Variants in GXYLT2 observed in about 807,000 individuals in gnomAD.
GXYLT2 encodes the protein glycosyltransferase 8 domain containing 4.
In GXYLT2, 53 loss-of-function variants were observed where a neutral mutation model predicts 45.8. That is an observed-to-expected ratio of 1.16 (90% confidence interval 0.93 to 1.46). The LOEUF (loss-of-function observed/expected upper bound fraction) is 1.46. Among genes scored for constraint, GXYLT2 ranks in the 40% most tolerant of loss-of-function variants. GXYLT2 has a pLI of 0.00. For missense variants in GXYLT2, 551 were observed against 544.4 expected, an observed-to-expected ratio of 1.01 and a Z score of -0.12; for synonymous variants, 219 against 214.2, an observed-to-expected ratio of 1.02 and a Z score of -0.19.
intron 3 of GXYLT2, among the ~76,000 whole-genome samples, chr3:72,942,669 A>C (rs1347218468): frequency 6.6e-6 from 1 of 152,040 alleles, no homozygotes; most frequent in Non-Finnish European, 1.5e-5. Flanking sequence ...ACCTCAATCT[A>C]AACATGCGAA....
intron 6 of GXYLT2, among the ~76,000 whole-genome samples, chr3:72,968,137 C>T (rs1051170849): frequency 5.3e-5 from 8 of 152,104 alleles, no homozygotes; most frequent in Non-Finnish European, 1.0e-4. Flanking sequence ...CCATGCCTGG[C>T]AAATTTTTGT....
chr3:72,900,959 C>T (rs938046220), intron 1 of GXYLT2, among the ~76,000 whole-genome samples: 4 of 151,216 alleles, frequency 2.6e-5, no homozygotes, highest in Non-Finnish European at 5.9e-5. Context: ...TCAAGACCAG[C>T]CTGGCCAACA....
intron 3 of GXYLT2, among the ~76,000 whole-genome samples, chr3:72,925,402 C>T (rs1473122122): frequency 2.0e-5 from 3 of 152,060 alleles, no homozygotes; most frequent in Non-Finnish European, 2.9e-5. Flanking sequence ...GTGATCCGCC[C>T]GCCTCGGCCT....
intron 1 of GXYLT2, among the ~76,000 whole-genome samples, chr3:72,901,599 C>T (rs1410976960): frequency 4.3e-5 from 5 of 114,976 alleles, no homozygotes; most frequent in Admixed American, 1.1e-4. Flanking sequence ...CTCACTCTGT[C>T]GCCCAGGCTG....
chr3:72,962,901 C>G (rs1192108767), intron 5 of GXYLT2, among the ~76,000 whole-genome samples: 1 of 151,186 alleles, frequency 6.6e-6, no homozygotes, highest in Non-Finnish European at 1.5e-5. Context: ...AAGGAGCATT[C>G]TGAAATAAGG....
intron 5 of GXYLT2, among the ~76,000 whole-genome samples, chr3:72,966,458 C>CTTTTTTTTTTTTTTTTTTTTTTTT (rs10662974): frequency 2.0e-5 from 2 of 101,640 alleles, no homozygotes; most frequent in African/African-American, 8.0e-5. Context: ...TTGTGTGTAT[C>CTTTTTTTTTTTTTTTTTTTTTTTT]TTTTTTTTTT....
At position 72,975,177 on chromosome 3, in the gene GXYLT2, A is replaced by G; in HGVS notation, c.*18A>G. 1 of 1,597,412 alleles carries G rather than the reference A, an allele frequency of 6.3e-7. No individual in the cohort carries two copies. Among genetic ancestry groups the G allele is most frequent in the Non-Finnish European group, 8.6e-7 (1 of 1,167,790 alleles). ...TGCACTGAATATTTTGTCTTGTTGC[A>G]AGTCAATTAGGTGTCTTGTGACCAA... On this transcript the variant is annotated 3_prime_UTR_variant, in exon 7 of 7. Coordinates refer to ENST00000389617, the MANE Select transcript of GXYLT2 (RefSeq NM_001080393.2).
rs911663362 is a variant in GXYLT2, at chr3:72,888,474, C to A, written c.241C>A (p.Arg81Ser). The A allele has an allele frequency of 4.0e-6, 5 of 1,250,052 alleles. No individual in the cohort carries two copies. Among genetic ancestry groups the A allele is most frequent in the African/African-American group, 3.2e-5 (2 of 63,376 alleles). The allele number at this position is 1,250,052 out of a possible 1,614,324, so 77.4% of individuals were successfully genotyped here. A position where few individuals can be genotyped will look rare whatever the true frequency, so the allele number is the denominator to read the frequency against. The change falls in exon 1 of 7, where the codon CGC (arginine) becomes AGC (serine). Residue 81 changes from arginine to serine, a missense_variant. By Grantham distance (110) the Arg-to-Ser change is moderately radical (BLOSUM62 -1). Transcript: ENST00000389617. ...RPPRPRPRAGRRGAARLEKLA... is the reference protein window; with the variant it reads ...RPPRPRPRAGSRGAARLEKLA... ...CCCGCGTCCGCGCCCCCGAGCGGGC[C>A]GCCGGGGCGCTGCGAGACTGGAGAA...
chr3:72,888,298 T>G lies in GXYLT2; in HGVS notation c.65T>G (p.Leu22Arg). The change falls in exon 1 of 7, where the codon CTG (leucine) becomes CGG (arginine). Residue 22 changes from leucine (L) to arginine (R), a missense_variant. Coordinates refer to ENST00000389617, the MANE Select transcript of GXYLT2 (RefSeq NM_001080393.2). ...GCGCTGGCCGCGCTGCTGCTGGCGC[T>G]GCTGTCCCTGCGCGCTGGCCGCGCT... ...LLALAALLLA[L>R]LSLRAGRAEP... 2.0e-6 allele frequency: 2 copies of G among 992,718 alleles called. No homozygotes were observed. Among genetic ancestry groups the G allele is most frequent in the Non-Finnish European group, 2.4e-6 (2 of 837,140 alleles). 61.5% of individuals were successfully genotyped at this position (992,718 alleles called of 1,614,324 possible).
chr3:72,897,763 C>T (rs1417219844), intron 1 of GXYLT2, among the ~76,000 whole-genome samples: 1 of 152,170 alleles, frequency 6.6e-6, no homozygotes, highest in African/African-American at 2.4e-5. Flanking sequence ...AGTCAAGTGG[C>T]AGGCCTAGAA....
intron 2 of GXYLT2, among the ~76,000 whole-genome samples, chr3:72,916,673 G>A (rs1487665170): frequency 6.6e-6 from 1 of 151,824 alleles, no homozygotes; most frequent in African/African-American, 2.4e-5. Context: ...CCTAGTAGCT[G>A]GGATTACAGT....
At chr3:72,950,166 C>A (rs994938394) in intron 3 of GXYLT2, among the ~76,000 whole-genome samples, 2 of 151,704 alleles carry the variant, frequency 1.3e-5, no homozygotes, top group African/African-American at 2.4e-5. Flanking sequence ...TACAAAAAAA[C>A]AAAAAAATTA....
chr3:72,961,905 C>T (rs13085689), intron 5 of GXYLT2, among the ~76,000 whole-genome samples: 72,336 of 151,910 alleles, frequency 0.48, 20,069 homozygotes, highest in Non-Finnish European at 0.62. Flanking sequence ...ATCAGGCTAG[C>T]GTAGAGGCAG....
intron 2 of GXYLT2, among the ~76,000 whole-genome samples, chr3:72,918,624 A>G (rs977286956): frequency 6.6e-6 from 1 of 152,126 alleles, no homozygotes; most frequent in Non-Finnish European, 1.5e-5. Context: ...CAGGAGTTCA[A>G]GACCAGCCTG....
chr3:72,957,523 C>T (rs1371254713), intron 5 of GXYLT2, among the ~76,000 whole-genome samples, 171 bp downstream of exon 5: 11 of 152,064 alleles, frequency 7.2e-5, no homozygotes, highest in Non-Finnish European at 1.5e-4. Context: ...CTGATGGAGG[C>T]GGGGCCTTGC....
chr3:72,892,035 T>C (rs1709191823), intron 1 of GXYLT2, among the ~76,000 whole-genome samples: 1 of 152,224 alleles, frequency 6.6e-6, no homozygotes, highest in African/African-American at 2.4e-5. Flanking sequence ...GGTTAACTGC[T>C]AATCAGTGCA....
At chr3:72,964,103 C>T (rs866056378) in intron 5 of GXYLT2, among the ~76,000 whole-genome samples, 19 of 152,254 alleles carry the variant, frequency 1.2e-4, no homozygotes, top group Middle Eastern at 3.4e-3. Context: ...AGCCACCATG[C>T]CCGGCCTTGG....
At chr3:72,954,637 A>AAAATAAAT (rs3078689) in intron 3 of GXYLT2, among the ~76,000 whole-genome samples, 14,939 of 135,816 alleles carry the variant, frequency 0.11, 892 homozygotes, top group South Asian at 0.15. Context: ...CTCCATCTCA[A>AAAATAAAT]AAATAAATAA....
At chr3:72,908,625 A>G (rs1333081030) in intron 2 of GXYLT2, 66 bp downstream of exon 2, 1 of 1,242,290 alleles carries the variant, frequency 8.0e-7, no homozygotes, top group Non-Finnish European at 1.1e-6. Context: ...TAGGAACTGC[A>G]TATTCTGTTA....
Sources: allele counts gnomAD v4.1 joint callset (sites outside exome capture counted in the v4.1 genomes callset), GRCh38; gene constraint gnomAD v4.1.1; transcripts MANE v1.5; gene names NCBI Gene and HGNC (gene_info 2026-07-23, HGNC 2026-07-21).